Variants in DCDC2 observed in about 807,000 individuals in gnomAD.
DCDC2 encodes the protein doublecortin domain containing 2.
DCDC2 carries 40 observed loss-of-function variants against 50.2 expected under a neutral mutation model. The observed-to-expected ratio is 0.80, with a 90% confidence interval of 0.62 to 1.04. The LOEUF is 1.04. Among genes scored for constraint, DCDC2 ranks in the 50% least tolerant of loss-of-function variants. The probability of loss-of-function intolerance (pLI) is 0.00; values close to 1 mark genes in which losing one functional copy is unlikely to be tolerated. For synonymous variants in DCDC2, 234 were observed against 210.6 expected (o/e 1.11, Z -0.96); for missense variants, 570 against 581.9 (o/e 0.98, Z 0.21).
At chr6:24,286,350 T>G (rs1245830956) in intron 6 of DCDC2, among the ~76,000 whole-genome samples, 2 of 152,142 alleles carry the variant, frequency 1.3e-5, no homozygotes, top group Non-Finnish European at 2.9e-5. Context: ...CCTAACACTT[T>G]GCGAGGCCAA....
intron 7 of DCDC2, among the ~76,000 whole-genome samples, chr6:24,249,473 T>A (rs1762753489): frequency 6.6e-6 from 1 of 152,264 alleles, no homozygotes; most frequent in South Asian, 2.1e-4. Flanking sequence ...ACAGCTGTGC[T>A]GCTATGATAT....
intron 2 of DCDC2, among the ~76,000 whole-genome samples, chr6:24,331,522 C>T (rs532447791): frequency 4.0e-5 from 6 of 151,594 alleles, no homozygotes; most frequent in South Asian, 2.1e-4. Flanking sequence ...ATTTGATATG[C>T]GATACTAAAG....
the DCDC2 span, among the ~76,000 whole-genome samples, chr6:24,369,585 G>A: frequency 2.0e-5 from 3 of 151,952 alleles, no homozygotes; most frequent in Non-Finnish European, 2.9e-5. Flanking sequence ...ACTCAGCCTG[G>A]GTGACAGAGC....
chr6:24,214,466 C>T (rs1449767485), intron 7 of DCDC2, among the ~76,000 whole-genome samples: 2 of 108,404 alleles, frequency 1.8e-5, no homozygotes, highest in Non-Finnish European at 3.7e-5. Flanking sequence ...GAATAAAGCA[C>T]ATTATTTACA....
chr6:24,176,956 T>C (rs536839112), intron 9 of DCDC2, among the ~76,000 whole-genome samples: 75 of 152,388 alleles, frequency 4.9e-4, no homozygotes, highest in Admixed American at 3.3e-3. Context: ...TTTAAAGTTA[T>C]ATTTATGGAA....
At chr6:24,219,826 A>AC (rs747291316) in intron 7 of DCDC2, among the ~76,000 whole-genome samples, 5 of 152,230 alleles carry the variant, frequency 3.3e-5, no homozygotes, top group Non-Finnish European at 5.9e-5. Flanking sequence ...GTTTGTGGTT[A>AC]CCAAGCAAGC....
chr6:24,196,085 G>A (rs989902494), intron 8 of DCDC2, among the ~76,000 whole-genome samples: 2 of 152,164 alleles, frequency 1.3e-5, no homozygotes, highest in African/African-American at 2.4e-5. Flanking sequence ...CAGGAAAACA[G>A]TCCAAAGACA....
intron 4 of DCDC2, among the ~76,000 whole-genome samples, chr6:24,297,075 G>A (rs807709): frequency 0.81 from 123,765 of 152,228 alleles, 51,014 homozygotes; most frequent in East Asian, 0.95. Flanking sequence ...ATGTCCATCA[G>A]TGGTAGACTG....
At chr6:24,337,206 C>T (rs7754567) in intron 2 of DCDC2, among the ~76,000 whole-genome samples, 49,324 of 151,974 alleles carry the variant, frequency 0.32, 9,617 homozygotes, top group African/African-American at 0.55. Context: ...ACTTAAAGTA[C>T]AATAAAAATA....
At chr6:24,381,803 A>AAGG in the DCDC2 span, among the ~76,000 whole-genome samples, 156 of 67,264 alleles carry the variant, frequency 2.3e-3, no homozygotes, top group African/African-American at 6.3e-3. Flanking sequence ...GGAAGGAAAG[A>AAGG]AAGGAAGGAA....
At chr6:24,181,592 C>A (rs79227704) in intron 8 of DCDC2, among the ~76,000 whole-genome samples, 3,019 of 152,180 alleles carry the variant, frequency 0.02, 116 homozygotes, top group African/African-American at 0.068. Flanking sequence ...ACAATAGCAT[C>A]AAAAGGAATA....
chr6:24,176,642 G>A (rs1327043597), intron 9 of DCDC2, among the ~76,000 whole-genome samples: 1 of 152,124 alleles, frequency 6.6e-6, no homozygotes, highest in African/African-American at 2.4e-5. Flanking sequence ...AATCTGCTCT[G>A]TTAGTGATTT....
chr6:24,271,735 A>G (rs949258379), intron 7 of DCDC2, among the ~76,000 whole-genome samples: 3 of 152,218 alleles, frequency 2.0e-5, no homozygotes, highest in Admixed American at 6.5e-5. Flanking sequence ...CAACCTACAC[A>G]GCATCGGCAG....
chr6:24,176,877 G>A (rs72828957), intron 9 of DCDC2, among the ~76,000 whole-genome samples: 14,387 of 152,130 alleles, frequency 0.095, 783 homozygotes, highest in East Asian at 0.18. Flanking sequence ...TCTTTCTTTG[G>A]TTGGCTAATT....
intron 7 of DCDC2, among the ~76,000 whole-genome samples, chr6:24,247,571 C>T (rs1278941134): frequency 1.3e-5 from 2 of 152,044 alleles, no homozygotes; most frequent in Admixed American, 1.3e-4. Flanking sequence ...AAGAAATACT[C>T]CAAACAAACT....
rs889408647 is a variant in DCDC2, at chr6:24,281,414, A to G, written c.760-3203T>C. The stretch of plus-strand genomic sequence containing the variant: ...GGCCTCAAATTCCTGGACTCAAGCA[A>G]TCCTCCTACCTCAGCCTCCTCAATA... On this transcript the variant is annotated intron_variant, in intron 6 of 9. Coordinates refer to ENST00000378454, the MANE Select transcript of DCDC2 (RefSeq NM_016356.5). Among the ~76,000 whole-genome samples the G allele has an allele frequency of 4.0e-5, 6 of 148,660 alleles. No homozygotes were observed. The South Asian group carries it at 1.1e-3, about 27-fold the overall frequency.
At chr6:24,279,447 G>A (rs995687905) in intron 6 of DCDC2, among the ~76,000 whole-genome samples, 1 of 152,090 alleles carries the variant, frequency 6.6e-6, no homozygotes, top group African/African-American at 2.4e-5. Flanking sequence ...CTGGCGTGCT[G>A]GTACATGCCT....
chr6:24,185,354 TCTGGTTAGTTCAA>T (rs1761167796), intron 8 of DCDC2, among the ~76,000 whole-genome samples: 1 of 152,208 alleles, frequency 6.6e-6, no homozygotes, highest in Non-Finnish European at 1.5e-5. Flanking sequence ...TGAAGCCACA[TCTGGTTAGTTCAA>T]CTTTAAGAAA....
In DCDC2 at chr6:24,277,995, C is replaced by T. The variant is rs1581627073; in HGVS notation, c.922+54G>A. 32 of 1,389,612 alleles carry T rather than the reference C, an allele frequency of 2.3e-5. 1 individual carries two copies. In the South Asian group the frequency reaches 3.2e-4, roughly 14 times the overall value. 86.1% of individuals were successfully genotyped at this position (1,389,612 alleles called of 1,614,324 possible). On this transcript the variant is annotated intron_variant, in intron 7 of 9. Transcript: ENST00000378454. ...CTGTGGGCCCAGAGAAACAATGGAT[C>T]TATTTAAGAATTAAAATTGTATCAC...
Sources: allele counts gnomAD v4.1 joint callset (sites outside exome capture counted in the v4.1 genomes callset), GRCh38; gene constraint gnomAD v4.1.1; transcripts MANE v1.5; gene names NCBI Gene and HGNC (gene_info 2026-07-23, HGNC 2026-07-21).